CYP2A7: variants seen among roughly 807,000 people sequenced by gnomAD.
The protein encoded by CYP2A7 is cytochrome P450 2A7.
A neutral mutation model predicts 42.0 loss-of-function variants in CYP2A7; 36 were observed. The ratio of observed to expected loss-of-function variants is 0.86; its 90% CI spans 0.66 to 1.13. CYP2A7 has a LOEUF of 1.13. CYP2A7 is among the 50% of genes most tolerant of loss of function. The pLI is 0.00. For missense variants in CYP2A7, 661 were observed against 634.1 expected (o/e 1.04, Z -0.46); for synonymous variants, 260 against 249.5 (o/e 1.04, Z -0.40).
rs1466959382 is a variant in CYP2A7, at chr19:40,878,477, C to A, written c.831+283G>T. Among the ~76,000 whole-genome samples the A allele has an allele frequency of 7.9e-5, 12 of 151,906 alleles. No individual in the cohort carries two copies. The South Asian group carries it at 8.3e-4, about 11-fold the overall frequency. Reference sequence around the variant, plus strand: ...CTTGGCTCATTGCAACCTCTGCCCCCCTTCGCGCCACCACGTGCAGCTAAT... The same window carrying A: ...CTTGGCTCATTGCAACCTCTGCCCCACTTCGCGCCACCACGTGCAGCTAAT... On this transcript the variant is annotated intron_variant, in intron 5 of 8. Transcript: ENST00000301146.
At chr19:40,879,579 AGGGC>A (rs1967608438) in intron 4 of CYP2A7, among the ~76,000 whole-genome samples, 3 of 151,650 alleles carry the variant, frequency 2.0e-5, no homozygotes, top group Non-Finnish European at 2.9e-5. Context: ...GGTGTTGGTT[AGGGC>A]AGCTGTCCAT....
At position 40,877,345 on chromosome 19, in the gene CYP2A7, C is replaced by T. The variant is rs201592579; in HGVS notation, c.1006G>A (p.Gly336Ser). The T allele has an allele frequency of 2.0e-5, 32 of 1,612,560 alleles. No homozygotes were observed. The highest frequency in any genetic ancestry group is 8.8e-5 in the South Asian group (8 of 91,000). The change falls in exon 7 of 9, where the codon GGC (glycine) becomes AGC (serine). Residue 336 changes from glycine (G) to serine (S), a missense_variant. By Grantham distance (56) the Gly-to-Ser change is moderately conservative (BLOSUM62 0). This residue lies in a region of CYP2A7 where 614 missense variants were observed against 552.4 expected (regional missense o/e 1.11). Transcript: ENST00000301146. The part of the protein sequence containing the change: ...KVHEEIDRVI[G>S]KNRQPKFEDR... ...TCAAACTTGGGCTGCCGGTTCTTGC[C>T]GATCACTCTGTCAATCTCCTCATGG...
intron 4 of CYP2A7, 82 bp from the exon 5 acceptor site, chr19:40,879,018 C>T: frequency 1.3e-6 from 2 of 1,514,798 alleles, no homozygotes; most frequent in Non-Finnish European, 9.0e-7. Flanking sequence ...TGTTTCATAG[C>T]AAGGAAGGAA....
intron 6 of CYP2A7, 97 bp downstream of exon 6, chr19:40,877,755 A>C: frequency 6.7e-7 from 1 of 1,501,948 alleles, no homozygotes; most frequent in South Asian, 1.3e-5. Flanking sequence ...GGCACGTCTC[A>C]GGGTCCTGGG....
In CYP2A7 at chr19:40,880,251, G is replaced by T. The variant is rs1281442715; in HGVS notation, c.494-7C>A. The T allele has an allele frequency of 5.0e-6, 8 of 1,612,532 alleles. No individual in the cohort carries two copies. The highest frequency in any genetic ancestry group is 6.8e-6 in the Non-Finnish European group (8 of 1,179,128). ...GTGGGATCGATATTGGCGCCTGCGG[G>T]TGTGGAGGGAGAAGGGGGTTGGGGA... On this transcript the variant is annotated splice_polypyrimidine_tract_variant and splice_region_variant and intron_variant, in intron 3 of 8. Transcript: ENST00000301146.
chr19:40,882,052 G>C lies in CYP2A7; in HGVS notation c.159C>G (p.His53Gln). Reference sequence around the variant, plus strand: ...ACACCTTCATGATGGAGTCACATATGTGCTCTGTGTTCAGCTGGAGGTAGT... The same window carrying C: ...ACACCTTCATGATGGAGTCACATATCTGCTCTGTGTTCAGCTGGAGGTAGT... The part of the protein sequence containing the change: ...IGNYLQLNTE[H>Q]ICDSIMKFSE... The change falls in exon 1 of 9, where the codon CAC becomes CAG. Residue 53 changes from histidine (H) to glutamine (Q), a missense_variant. His to Gln is a conservative substitution (Grantham distance 24). Coordinates refer to ENST00000301146, the MANE Select transcript of CYP2A7 (RefSeq NM_000764.3). 5 of 1,613,914 alleles carry C rather than the reference G, an allele frequency of 3.1e-6. No homozygotes were observed. Among genetic ancestry groups the C allele is most frequent in the Admixed American group, 1.7e-5 (1 of 60,002 alleles).
intron 5 of CYP2A7, among the ~76,000 whole-genome samples, chr19:40,878,356 T>C (rs1967583376): frequency 6.6e-6 from 1 of 151,804 alleles, no homozygotes; most frequent in Non-Finnish European, 1.5e-5. Flanking sequence ...CACACGCGCA[T>C]GACCATGCAG....
chr19:40,878,980 C>G (rs368143024), intron 4 of CYP2A7, 44 bp from the exon 5 acceptor site: 3 of 1,575,448 alleles, frequency 1.9e-6, no homozygotes, highest in East Asian at 2.2e-5. Flanking sequence ...ACAGCTGTCA[C>G]GGGGCAGGAG....
chr19:40,878,319 C>T (rs1485216422), intron 5 of CYP2A7, among the ~76,000 whole-genome samples: 1 of 151,776 alleles, frequency 6.6e-6, no homozygotes, highest in Non-Finnish European at 1.5e-5. Context: ...AATCCTCCAC[C>T]CTTAGCCTCC....
rs760020419 is a variant in CYP2A7, at chr19:40,882,182, GCCA to G, written c.26_28del (p.Val9del). 1 of 1,613,852 alleles carries G rather than the reference GCCA, an allele frequency of 6.2e-7. No individual in the cohort carries two copies. Among genetic ancestry groups the G allele is most frequent in the African/African-American group, 1.3e-5 (1 of 74,928 alleles). On this transcript the variant is annotated inframe_deletion, in exon 1 of 9. Transcript: ENST00000301146. ...CATCACAGTCAGGCAGGCCAGCAAGGCCACCAGAAGCAGCCCTGAGGCCAGCAT... is the reference window on the plus strand; with the variant it reads ...CATCACAGTCAGGCAGGCCAGCAAGGCCAGAAGCAGCCCTGAGGCCAGCAT...
At position 40,880,831 on chromosome 19, in the gene CYP2A7, G is replaced by C. The variant is rs1599794880; in HGVS notation, c.344-203C>G. 2.6e-4 allele frequency among the ~76,000 whole-genome samples: 24 copies of C among 91,810 alleles called. No individual in the cohort carries two copies. Among genetic ancestry groups the C allele is most frequent in the East Asian group, 1.0e-3 (3 of 2,998 alleles). 60.2% of individuals were successfully genotyped at this position (91,810 alleles called of 152,430 possible). On this transcript the variant is annotated intron_variant, in intron 2 of 8. Coordinates refer to ENST00000301146, the MANE Select transcript of CYP2A7 (RefSeq NM_000764.3). ...AGAGAGAGAGAGAGAGAGAGAGAGA[G>C]AGAGAGAGAGAGAGAGAGAGAGAGA...
rs779598490 is a variant in CYP2A7 at position 40,881,734 on chromosome 19, G to T, written c.198C>A (p.Gly66=). The change falls in exon 2 of 9, where the codon GGC becomes GGA. Residue 66 remains glycine (G), a synonymous_variant. Coordinates refer to ENST00000301146, the MANE Select transcript of CYP2A7 (RefSeq NM_000764.3). ...DSIMKFSECY[G]PVFTIHLGPR... Reference sequence around the variant, plus strand: ...GCCCCAAGTGAATGGTGAACACGGGGCCATAGCACTCACTGAACTGATGGA... The same window carrying T: ...GCCCCAAGTGAATGGTGAACACGGGTCCATAGCACTCACTGAACTGATGGA... 3 of 1,590,304 alleles carry T rather than the reference G, an allele frequency of 1.9e-6. No homozygotes were observed. The highest frequency in any genetic ancestry group is 3.6e-5 in the Admixed American group (2 of 55,266).
intron 5 of CYP2A7, 36 bp from the exon 6 acceptor site, chr19:40,878,029 C>T (rs1967576612): frequency 6.3e-7 from 1 of 1,593,956 alleles, no homozygotes; most frequent in Non-Finnish European, 8.5e-7. Flanking sequence ...AACCTCACTC[C>T]TCTTGCCCTC....
intron 1 of CYP2A7, 65 bp downstream of exon 1, chr19:40,881,966 C>T (rs1967703550): frequency 6.4e-7 from 1 of 1,570,432 alleles, no homozygotes; most frequent in East Asian, 2.2e-5. Flanking sequence ...CAATCCCCTG[C>T]CACAAAGCCC....
chr19:40,882,106 C>G lies in CYP2A7; in HGVS notation c.105G>C (p.Pro35=). The G allele has an allele frequency of 6.2e-7, 1 of 1,613,940 alleles. No individual in the cohort carries two copies. The highest frequency in any genetic ancestry group is 2.2e-5 in the East Asian group (1 of 44,878). Residue 35 remains proline (P), a synonymous_variant, in exon 1 of 9, where the codon CCG becomes CCC. Transcript: ENST00000301146. ...QQRKSRGKLP[P]GPTPLPFIGN... Reference sequence around the variant, plus strand: ...CAATGAAGGGCAGTGGGGTGGGTCCCGGAGGCAGCTTCCCCCTGCTCTTCC... The same window carrying G: ...CAATGAAGGGCAGTGGGGTGGGTCCGGGAGGCAGCTTCCCCCTGCTCTTCC...
chr19:40,880,768 C>A, intron 2 of CYP2A7, 140 bp from the exon 3 acceptor site: 1 of 141,284 alleles, frequency 7.1e-6, no homozygotes, highest in Non-Finnish European at 1.0e-5. Context: ...GTGCCCAGGA[C>A]AGGTGCAAAC....
chr19:40,879,127 G>T (rs1338785606), intron 4 of CYP2A7, among the ~76,000 whole-genome samples, 191 bp from the exon 5 acceptor site: 1 of 151,896 alleles, frequency 6.6e-6, no homozygotes, highest in Admixed American at 6.6e-5. Context: ...CAGGGCCACG[G>T]TCTAGTAATT....
Position 40,875,575 on chromosome 19 carries a change from C to A in CYP2A7, c.*118G>T, listed in dbSNP as rs1484854043. 1.9e-5 allele frequency: 29 copies of A among 1,522,470 alleles called. No homozygotes were observed. The Admixed American group carries it at 5.2e-4, about 27-fold the overall frequency. 94.3% of individuals were successfully genotyped at this position (1,522,470 alleles called of 1,614,324 possible). ...TTTCTTCTCTTCCCTCTAGCCACCA[C>A]GCCCCTTCCTTTCCCGCATCTTCCC... On this transcript the variant is annotated 3_prime_UTR_variant, in exon 9 of 9. Transcript: ENST00000301146.
intron 2 of CYP2A7, 133 bp downstream of exon 2, chr19:40,881,456 G>A: frequency 6.8e-7 from 1 of 1,473,948 alleles, no homozygotes; most frequent in Non-Finnish European, 9.2e-7. Context: ...ACAGTGAAGG[G>A]AGATGGGGAG....
Sources: allele counts gnomAD v4.1 joint callset (sites outside exome capture counted in the v4.1 genomes callset), GRCh38; gene constraint gnomAD v4.1.1; regional missense constraint gnomAD v4.1.1; transcripts MANE v1.5; gene names NCBI Gene and HGNC (gene_info 2026-07-23, HGNC 2026-07-21).